SIPA1L1: variants seen among roughly 807,000 people sequenced by gnomAD.
The protein encoded by SIPA1L1 is signal-induced proliferation-associated 1-like protein 1.
In SIPA1L1, 26 loss-of-function variants were observed where a neutral mutation model predicts 162.7. The ratio of observed to expected loss-of-function variants is 0.16; its 90% CI spans 0.12 to 0.22. The LOEUF is 0.22. Ranked by LOEUF, SIPA1L1 falls within the 10% of genes least tolerant of loss-of-function variation. SIPA1L1 has a pLI of 1.00. For missense variants in SIPA1L1, 1,874 were observed against 2,241.0 expected, an observed-to-expected ratio of 0.84 and a Z score of 3.31; for synonymous variants, 829 against 837.4, an observed-to-expected ratio of 0.99 and a Z score of 0.17.
At chr14:71,516,099 A>G (rs1595864210) in intron 3 of SIPA1L1, among the ~76,000 whole-genome samples, 1 of 152,228 alleles carries the variant, frequency 6.6e-6, no homozygotes, top group East Asian at 1.9e-4. Flanking sequence ...CTCTAAGTGC[A>G]CCTCACTCTA....
At chr14:71,405,562 C>T (rs1002188482) in intron 2 of SIPA1L1, among the ~76,000 whole-genome samples, 1 of 152,150 alleles carries the variant, frequency 6.6e-6, no homozygotes, top group African/African-American at 2.4e-5. Context: ...GAGAATGCCC[C>T]TTCTGGGGTA....
At chr14:71,614,354 AG>A (rs2038581945) in intron 5 of SIPA1L1, among the ~76,000 whole-genome samples, 1 of 152,212 alleles carries the variant, frequency 6.6e-6, no homozygotes, top group African/African-American at 2.4e-5. Flanking sequence ...ATATGGAAAG[AG>A]TTTTTTCTAT....
chr14:71,724,756 C>A lies in SIPA1L1; in HGVS notation c.4535C>A (p.Ser1512Tyr), dbSNP rs757160461. 6.2e-7 allele frequency: 1 copy of A among 1,614,130 alleles called. No homozygotes were observed. The highest frequency in any genetic ancestry group is 1.7e-5 in the Admixed American group (1 of 60,022). Residue 1512 changes from serine to tyrosine, a missense_variant, in exon 19 of 24, where the codon TCC becomes TAC. Ser to Tyr is a moderately radical substitution (Grantham distance 144). Around this residue, in one of 5 missense-constraint regions of SIPA1L1, gnomAD observed 936 missense variants for 1,051.9 expected, o/e 0.89. Coordinates refer to ENST00000381232, the MANE Select transcript of SIPA1L1 (RefSeq NM_001386936.1). ...CTCCGGGCATCTCCTAAGCCAACCTCCAAGTCCACCATTGAAGAAGATCTA... is the reference window on the plus strand; with the variant it reads ...CTCCGGGCATCTCCTAAGCCAACCTACAAGTCCACCATTGAAGAAGATCTA... ...RDLRASPKPT[S>Y]KSTIEEDLKK...
chr14:71,699,958 A>C (rs2081959636), intron 14 of SIPA1L1, among the ~76,000 whole-genome samples: 1 of 152,256 alleles, frequency 6.6e-6, no homozygotes, highest in Non-Finnish European at 1.5e-5. Context: ...TGCTTCTCTG[A>C]ACAAAGAACA....
chr14:71,591,667 TATAAGA>T (rs1481631702), intron 5 of SIPA1L1, among the ~76,000 whole-genome samples: 3 of 152,212 alleles, frequency 2.0e-5, no homozygotes, highest in African/African-American at 7.2e-5. Flanking sequence ...CATTAACACA[TATAAGA>T]ATATGTTTGC....
At chr14:71,531,370 G>C (rs1353578005) in intron 4 of SIPA1L1, among the ~76,000 whole-genome samples, 1 of 151,490 alleles carries the variant, frequency 6.6e-6, no homozygotes, top group African/African-American at 2.4e-5. Flanking sequence ...TAGTACAGAA[G>C]AGGGGTCTAC....
chr14:71,365,871 G>A (rs889850629), intron 2 of SIPA1L1, among the ~76,000 whole-genome samples: 3 of 149,172 alleles, frequency 2.0e-5, no homozygotes, highest in African/African-American at 7.5e-5. Context: ...GACTACAGTT[G>A]TCTGCCAACA....
chr14:71,540,980 T>C (rs1251238637), intron 4 of SIPA1L1, among the ~76,000 whole-genome samples: 1 of 151,952 alleles, frequency 6.6e-6, no homozygotes, highest in East Asian at 1.9e-4. Flanking sequence ...GAAAAAAAAT[T>C]AGCCAGACGT....
At chr14:71,647,871 A>G (rs968143544) in intron 7 of SIPA1L1, among the ~76,000 whole-genome samples, 1 of 150,530 alleles carries the variant, frequency 6.6e-6, no homozygotes, top group Non-Finnish European at 1.5e-5. Context: ...GTTAAATGTC[A>G]GTAGTGTGCA....
At chr14:71,711,572 T>C (rs1015029444) in intron 17 of SIPA1L1, among the ~76,000 whole-genome samples, 3 of 152,174 alleles carry the variant, frequency 2.0e-5, no homozygotes, top group Admixed American at 6.5e-5. Flanking sequence ...AGAGATCTTG[T>C]CTCAAATGGC....
intron 2 of SIPA1L1, among the ~76,000 whole-genome samples, chr14:71,342,321 G>A (rs2035744644): frequency 1.3e-5 from 2 of 152,120 alleles, no homozygotes; most frequent in Non-Finnish European, 2.9e-5. Flanking sequence ...TACCTGGCCT[G>A]TTTTCCTTTG....
At chr14:71,625,084 A>AT (rs1031925783) in intron 7 of SIPA1L1, among the ~76,000 whole-genome samples, 1 of 151,832 alleles carries the variant, frequency 6.6e-6, no homozygotes, top group Non-Finnish European at 1.5e-5. Context: ...TAGTTTATTT[A>AT]TTTTTTTTCC....
intron 10 of SIPA1L1, among the ~76,000 whole-genome samples, chr14:71,669,774 T>C (rs1338395730): frequency 6.6e-6 from 1 of 152,184 alleles, no homozygotes; most frequent in African/African-American, 2.4e-5. Flanking sequence ...CTTTTAAAAA[T>C]ACACTTGTAA....
intron 3 of SIPA1L1, among the ~76,000 whole-genome samples, chr14:71,523,606 T>G (rs1467148164): frequency 6.6e-6 from 1 of 152,234 alleles, no homozygotes; most frequent in African/African-American, 2.4e-5. Context: ...GATCAAACAT[T>G]ACAGTTAGTT....
chr14:71,677,046 C>G (rs2045279959), intron 12 of SIPA1L1, among the ~76,000 whole-genome samples: 1 of 152,208 alleles, frequency 6.6e-6, no homozygotes, highest in Non-Finnish European at 1.5e-5. Context: ...GAGGAACCAC[C>G]ACACTGACTT....
chr14:71,470,706 G>A (rs2047382915), intron 2 of SIPA1L1, among the ~76,000 whole-genome samples: 1 of 150,976 alleles, frequency 6.6e-6, no homozygotes, highest in Admixed American at 6.6e-5. Context: ...GAGAGTGTTG[G>A]GGCAGTAGTC....
intron 4 of SIPA1L1, among the ~76,000 whole-genome samples, chr14:71,532,352 C>T (rs953944171): frequency 3.3e-5 from 5 of 152,130 alleles, no homozygotes; most frequent in Admixed American, 6.5e-5. Context: ...ATGGAGTCTT[C>T]TTCTTTCTTA....
rs2040755794 is a variant in SIPA1L1 at position 71,391,501 on chromosome 14, A to T, written c.-465+70320A>T. Among the ~76,000 whole-genome samples, 5 of 152,360 alleles carry T rather than the reference A, an allele frequency of 3.3e-5. No individual in the cohort carries two copies. The South Asian group carries it at 1.0e-3, about 32-fold the overall frequency. On this transcript the variant is annotated intron_variant, in intron 2 of 23. Transcript: ENST00000381232. ...ATTATAACTGTGATACGTGATTTGAAGGACAGGTAAATGCTGCTTATGAGA... is the reference window on the plus strand; with the variant it reads ...ATTATAACTGTGATACGTGATTTGATGGACAGGTAAATGCTGCTTATGAGA...
chr14:71,449,121 G>A (rs2045627486), intron 2 of SIPA1L1, among the ~76,000 whole-genome samples: 1 of 152,224 alleles, frequency 6.6e-6, no homozygotes, highest in African/African-American at 2.4e-5. Flanking sequence ...AGAGCTGGTT[G>A]ATGGCAGGAC....
Sources: allele counts gnomAD v4.1 joint callset (sites outside exome capture counted in the v4.1 genomes callset), GRCh38; gene constraint gnomAD v4.1.1; regional missense constraint gnomAD v4.1.1; transcripts MANE v1.5; gene names NCBI Gene and HGNC (gene_info 2026-07-23, HGNC 2026-07-21).